Variants in FHIT observed in about 807,000 individuals in gnomAD.
FHIT encodes the protein fragile histidine triad diadenosine triphosphatase.
Under a neutral mutation model 17.9 loss-of-function variants are expected in FHIT, and 19 were observed. The ratio of observed to expected loss-of-function variants is 1.06; its 90% CI spans 0.74 to 1.56. FHIT has a LOEUF of 1.56. Among genes scored for constraint, FHIT ranks in the 40% most tolerant of loss-of-function variants. FHIT has a pLI of 0.00. For missense variants in FHIT, 248 were observed against 189.2 expected, an observed-to-expected ratio of 1.31 and a Z score of -1.82; for synonymous variants, 81 against 69.7, an observed-to-expected ratio of 1.16 and a Z score of -0.81.
chr3:60,529,940 A>C (rs569087164), intron 5 of FHIT, among the ~76,000 whole-genome samples: 3 of 109,834 alleles, frequency 2.7e-5, no homozygotes, highest in Non-Finnish European at 6.0e-5. Flanking sequence ...GCAGATCGTA[A>C]AGATACACAT....
At chr3:60,647,734 T>C (rs2039894316) in intron 4 of FHIT, among the ~76,000 whole-genome samples, 1 of 152,214 alleles carries the variant, frequency 6.6e-6, no homozygotes, top group South Asian at 2.1e-4. Flanking sequence ...TATTTGTTTA[T>C]AGCCAACCTT....
intron 5 of FHIT, among the ~76,000 whole-genome samples, chr3:60,504,295 A>G (rs918848510): frequency 6.6e-6 from 1 of 152,054 alleles, no homozygotes; most frequent in South Asian, 2.1e-4. Flanking sequence ...TTAGCTGGGC[A>G]TGGTGGCACG....
intron 5 of FHIT, among the ~76,000 whole-genome samples, chr3:60,068,189 C>G (rs983038599): frequency 7.2e-5 from 11 of 152,074 alleles, no homozygotes; most frequent in Admixed American, 3.9e-4. Context: ...GAGCTGAGAT[C>G]GCACCACTGC....
intron 4 of FHIT, among the ~76,000 whole-genome samples, chr3:60,710,049 C>T (rs1381215507): frequency 1.4e-5 from 2 of 141,118 alleles, no homozygotes; most frequent in Non-Finnish European, 3.0e-5. Flanking sequence ...TTTCTGCATA[C>T]TTCCCATTTC....
At chr3:61,015,274 G>T (rs1048049641) in intron 3 of FHIT, among the ~76,000 whole-genome samples, 2 of 152,080 alleles carry the variant, frequency 1.3e-5, no homozygotes, top group Non-Finnish European at 2.9e-5. Flanking sequence ...TTCGAAGGGG[G>T]ATTTTTTTTT....
intron 2 of FHIT, among the ~76,000 whole-genome samples, chr3:61,106,380 T>TA (rs2035988769): frequency 6.6e-6 from 1 of 152,096 alleles, no homozygotes; most frequent in African/African-American, 2.4e-5. Flanking sequence ...TAACTGTAGT[T>TA]ACCATGCTAT....
chr3:61,040,329 G>C (rs1158521894), intron 3 of FHIT, among the ~76,000 whole-genome samples: 4 of 152,142 alleles, frequency 2.6e-5, no homozygotes, highest in African/African-American at 9.7e-5. Flanking sequence ...TGGATTGAAA[G>C]TACTATTGAG....
intron 5 of FHIT, among the ~76,000 whole-genome samples, chr3:60,136,700 T>C (rs1699831745): frequency 1.3e-5 from 2 of 152,188 alleles, no homozygotes; most frequent in South Asian, 4.1e-4. Context: ...AGATGTAACA[T>C]GCAGTTGTTA....
intron 5 of FHIT, among the ~76,000 whole-genome samples, chr3:60,297,386 G>T (rs567911850): frequency 2.0e-5 from 3 of 152,008 alleles, no homozygotes; most frequent in Non-Finnish European, 2.9e-5. Context: ...ATTTATTTTT[G>T]TGTGTGTGTA....
chr3:60,626,868 T>C (rs952049131), intron 4 of FHIT, among the ~76,000 whole-genome samples: 17 of 151,622 alleles, frequency 1.1e-4, no homozygotes, highest in African/African-American at 4.1e-4. Context: ...GAAAGTTTCA[T>C]ACTATTCTAT....
intron 3 of FHIT, among the ~76,000 whole-genome samples, chr3:60,923,363 T>A (rs1007330198): frequency 1.3e-5 from 2 of 152,196 alleles, no homozygotes; most frequent in Non-Finnish European, 2.9e-5. Context: ...GAGCCTCCAT[T>A]TCCCTGTAGG....
chr3:60,623,767 G>A (rs1253150773), intron 4 of FHIT, among the ~76,000 whole-genome samples: 1 of 152,110 alleles, frequency 6.6e-6, no homozygotes, highest in Non-Finnish European at 1.5e-5. Flanking sequence ...CCTCGTTTCG[G>A]CGTGTCTTCA....
chr3:60,801,306 A>T (rs1701178555), intron 4 of FHIT, among the ~76,000 whole-genome samples: 1 of 152,184 alleles, frequency 6.6e-6, no homozygotes, highest in Non-Finnish European at 1.5e-5. Flanking sequence ...GAAAATAGGG[A>T]TGCCCAATGC....
intron 1 of FHIT, among the ~76,000 whole-genome samples, chr3:61,242,582 A>T (rs2040398334): frequency 6.6e-6 from 1 of 152,158 alleles, no homozygotes; most frequent in Admixed American, 6.5e-5. Flanking sequence ...CAGAGAGAGG[A>T]ATTGCAACAG....
chr3:60,644,415 T>C (rs189605277), intron 4 of FHIT, among the ~76,000 whole-genome samples: 1 of 152,314 alleles, frequency 6.6e-6, no homozygotes, highest in African/African-American at 2.4e-5. Flanking sequence ...ATTATTTTAC[T>C]GAAAAAAATG....
At chr3:60,691,211 C>A (rs2040981623) in intron 4 of FHIT, among the ~76,000 whole-genome samples, 1 of 151,996 alleles carries the variant, frequency 6.6e-6, no homozygotes, top group Admixed American at 6.6e-5. Flanking sequence ...ATTGCTTCTG[C>A]CTCAAGAACA....
chr3:61,067,376 A>G (rs2034647271), intron 2 of FHIT, among the ~76,000 whole-genome samples: 1 of 152,196 alleles, frequency 6.6e-6, no homozygotes, highest in African/African-American at 2.4e-5. Context: ...GAAAGAATCC[A>G]GGAGAAAACA....
intron 5 of FHIT, among the ~76,000 whole-genome samples, chr3:60,521,205 C>A (rs1410108728): frequency 2.0e-5 from 3 of 151,750 alleles, no homozygotes; most frequent in Non-Finnish European, 4.4e-5. Context: ...TGCTCTTGAT[C>A]AACCTTAAGG....
intron 4 of FHIT, among the ~76,000 whole-genome samples, chr3:60,717,499 T>G (rs1430576957): frequency 6.6e-6 from 1 of 152,198 alleles, no homozygotes; most frequent in African/African-American, 2.4e-5. Context: ...AAACCCATCA[T>G]GGGCCTACTC....
Sources: allele counts gnomAD v4.1 joint callset (sites outside exome capture counted in the v4.1 genomes callset), GRCh38; gene constraint gnomAD v4.1.1; transcripts MANE v1.5; gene names NCBI Gene and HGNC (gene_info 2026-07-23, HGNC 2026-07-21).